The following RAPGEF5 variants were observed in gnomAD, a reference collection of about 807,000 sequenced individuals.
RAPGEF5 encodes the protein Rap guanine nucleotide exchange factor 5, also known as M-Ras-regulated GEF.
A neutral mutation model predicts 125.2 loss-of-function variants in RAPGEF5; 65 were observed. That is an observed-to-expected ratio of 0.52 (90% CI 0.43 to 0.64). The LOEUF is 0.64. Ranked by LOEUF, RAPGEF5 falls within the 30% of genes least tolerant of loss-of-function variation. The probability of loss-of-function intolerance (pLI) is 0.00; values close to 1 mark genes in which losing one functional copy is unlikely to be tolerated. For missense variants in RAPGEF5, 958 were observed against 1,048.1 expected (o/e 0.91, Z 1.19); for synonymous variants, 391 against 385.9 (o/e 1.01, Z -0.16).
At chr7:22,335,833 C>G (rs1163083255) in intron 1 of RAPGEF5, among the ~76,000 whole-genome samples, 5 of 152,096 alleles carry the variant, frequency 3.3e-5, no homozygotes, top group Non-Finnish European at 7.4e-5. Context: ...ACAACAGAAA[C>G]TACTTTTCAT....
chr7:22,304,275 T>C (rs889820679), intron 5 of RAPGEF5, among the ~76,000 whole-genome samples: 2 of 152,212 alleles, frequency 1.3e-5, no homozygotes, highest in Non-Finnish European at 2.9e-5. Context: ...GACAGGTCCA[T>C]AGGTTCCCCA....
chr7:22,216,358 T>C (rs2128131791), intron 9 of RAPGEF5, among the ~76,000 whole-genome samples: 1 of 152,318 alleles, frequency 6.6e-6, no homozygotes, highest in Middle Eastern at 3.4e-3. Flanking sequence ...CTTACCAGTC[T>C]TTCATAATGG....
intron 6 of RAPGEF5, among the ~76,000 whole-genome samples, chr7:22,278,216 C>G (rs1782600724): frequency 6.6e-6 from 1 of 152,108 alleles, no homozygotes; most frequent in Admixed American, 6.5e-5. Flanking sequence ...CATTTTCACC[C>G]CTTGAGATGT....
At chr7:22,189,000 G>A (rs930790704) in intron 11 of RAPGEF5, among the ~76,000 whole-genome samples, 2 of 146,596 alleles carry the variant, frequency 1.4e-5, no homozygotes, top group East Asian at 2.0e-4. Context: ...GTGTAGACAC[G>A]TCCACACAGA....
chr7:22,220,964 C>A (rs137882196), intron 8 of RAPGEF5, among the ~76,000 whole-genome samples: 1 of 152,154 alleles, frequency 6.6e-6, no homozygotes, highest in Admixed American at 6.5e-5. Flanking sequence ...ATGATCTTAA[C>A]GGTTTGTGCT....
rs372640362 is a variant in RAPGEF5, at chr7:22,193,985, C to T, written c.1045G>A (p.Val349Ile). 20 of 1,613,914 alleles carry T rather than the reference C, an allele frequency of 1.2e-5. No homozygotes were observed. The highest frequency in any genetic ancestry group is 1.5e-5 in the Non-Finnish European group (18 of 1,179,868). Reference protein sequence around the residue: ...TVQVKEQDQSVLVLKKVQCCG... With the variant: ...TVQVKEQDQSILVLKKVQCCG... ...CACTGCACTTTCTTCAGCACCAGGA[C>T]GCTCTGGTCTTGCTCTTTAACCTGA... Residue 349 changes from valine to isoleucine, a missense_variant, in exon 10 of 26, where the codon GTC becomes ATC. Physicochemically the swap from Val to Ile is conservative, Grantham distance 29 (BLOSUM62 3). Coordinates refer to ENST00000665637, the MANE Select transcript of RAPGEF5 (RefSeq NM_012294.5).
intron 7 of RAPGEF5, among the ~76,000 whole-genome samples, chr7:22,254,383 C>A (rs1273134581): frequency 6.6e-6 from 1 of 150,382 alleles, no homozygotes; most frequent in East Asian, 2.0e-4. Context: ...ACGAGGCGGG[C>A]GGATCACCTG....
rs760756235 is a variant in RAPGEF5, at chr7:22,193,910, C to G, written c.1115+5G>C. ...GTGCCTCTGTGGCTGCAGGGAAACT[C>G]TCACCTCCAATGGCTCTCCGCACTC... On this transcript the variant is annotated splice_donor_5th_base_variant and intron_variant, in intron 10 of 25. Coordinates refer to ENST00000665637, the MANE Select transcript of RAPGEF5 (RefSeq NM_012294.5). The G allele has an allele frequency of 6.2e-7, 1 of 1,613,336 alleles. No homozygotes were observed.
At chr7:22,269,412 T>C (rs1465537543) in intron 6 of RAPGEF5, among the ~76,000 whole-genome samples, 1 of 152,174 alleles carries the variant, frequency 6.6e-6, no homozygotes, top group Non-Finnish European at 1.5e-5. Flanking sequence ...GGGACCTGTT[T>C]GCCTTTTCTT....
chr7:22,197,594 T>C (rs150965689), intron 9 of RAPGEF5, among the ~76,000 whole-genome samples: 1 of 152,306 alleles, frequency 6.6e-6, no homozygotes, highest in East Asian at 1.9e-4. Flanking sequence ...TGGTCTTCAG[T>C]TTGATCTTGT....
intron 9 of RAPGEF5, among the ~76,000 whole-genome samples, chr7:22,216,357 C>T (rs1785638542): frequency 1.3e-5 from 2 of 152,130 alleles, no homozygotes; most frequent in African/African-American, 2.4e-5. Flanking sequence ...GCTTACCAGT[C>T]TTTCATAATG....
chr7:22,291,279 T>C (rs774734777), intron 5 of RAPGEF5, 38 bp from the exon 6 acceptor site: 18 of 1,507,484 alleles, frequency 1.2e-5, no homozygotes. Flanking sequence ...TTTTCAGTTT[T>C]AGTTGCTCAA....
chr7:22,334,024 G>A (rs758968745), intron 1 of RAPGEF5, among the ~76,000 whole-genome samples: 4 of 146,286 alleles, frequency 2.7e-5, no homozygotes, highest in Non-Finnish European at 4.5e-5. Flanking sequence ...AAGACAGAGC[G>A]GACAGTGTTA....
At chr7:22,230,514 G>A (rs896699138) in intron 8 of RAPGEF5, among the ~76,000 whole-genome samples, 17 of 152,174 alleles carry the variant, frequency 1.1e-4, no homozygotes, top group Non-Finnish European at 2.9e-5. Flanking sequence ...AGGTAGCACA[G>A]AACCTCTAGC....
chr7:22,337,907 C>T (rs1784055382), intron 1 of RAPGEF5, among the ~76,000 whole-genome samples: 1 of 152,202 alleles, frequency 6.6e-6, no homozygotes, highest in Non-Finnish European at 1.5e-5. Flanking sequence ...TGTCAGAAAT[C>T]TCTGAGCAAA....
At chr7:22,291,142 G>A (rs1201678175) in intron 6 of RAPGEF5, 33 bp downstream of exon 6, 2 of 1,539,930 alleles carry the variant, frequency 1.3e-6, no homozygotes, top group Middle Eastern at 1.7e-4. Context: ...CATTATTTCT[G>A]CACCCCTAGG....
intron 1 of RAPGEF5, among the ~76,000 whole-genome samples, chr7:22,325,136 A>C (rs2128156513): frequency 6.6e-6 from 1 of 152,280 alleles, no homozygotes; most frequent in Non-Finnish European, 1.5e-5. Flanking sequence ...CCAAGCCCTG[A>C]GCCTCCCATG....
intron 16 of RAPGEF5, 72 bp downstream of exon 16, chr7:22,156,738 T>C: frequency 6.2e-7 from 1 of 1,603,434 alleles, no homozygotes; most frequent in Non-Finnish European, 8.5e-7. Context: ...GTCAGGCTGA[T>C]ATGCCAATGT....
intron 6 of RAPGEF5, among the ~76,000 whole-genome samples, chr7:22,281,981 G>T (rs544155105): frequency 5.3e-5 from 8 of 152,144 alleles, no homozygotes; most frequent in Non-Finnish European, 1.0e-4. Context: ...GAACAGAAAT[G>T]ATGGCCATTC....
Sources: gnomAD v4.1 joint callset for allele counts (sites outside exome capture counted in the v4.1 genomes callset) on GRCh38, gnomAD v4.1.1 for gene constraint, MANE v1.5 for transcripts, NCBI Gene and HGNC (gene_info 2026-07-23, HGNC 2026-07-21) for gene names.